Variants in ADGRB3 observed in about 807,000 individuals in gnomAD.
ADGRB3 encodes the protein adhesion G protein-coupled receptor B3.
Under a neutral mutation model 193.4 loss-of-function variants are expected in ADGRB3, and 37 were observed. The ratio of observed to expected loss-of-function variants is 0.19; its 90% CI spans 0.15 to 0.25. The LOEUF is 0.25. Among genes scored for constraint, ADGRB3 ranks in the 10% least tolerant of loss-of-function variants. The pLI is 1.00. For synonymous variants in ADGRB3, 690 were observed against 644.2 expected (o/e 1.07, Z -1.08); for missense variants, 1,637 against 1,852.9 (o/e 0.88, Z 2.14).
intron 13 of ADGRB3, among the ~76,000 whole-genome samples, chr6:69,032,829 C>T (rs1770752331): frequency 6.6e-6 from 1 of 152,166 alleles, no homozygotes; most frequent in African/African-American, 2.4e-5. Context: ...CATCTGGCTG[C>T]AAACCTTGAC....
At chr6:69,003,031 C>T (rs1769628943) in intron 11 of ADGRB3, among the ~76,000 whole-genome samples, 1 of 152,172 alleles carries the variant, frequency 6.6e-6, no homozygotes, top group Non-Finnish European at 1.5e-5. Context: ...ACAAGTTATT[C>T]AACCACTCTA....
chr6:69,275,122 T>C lies in ADGRB3; in HGVS notation c.2814+35896T>C, dbSNP rs1767274295. Reference sequence around the variant, plus strand: ...GGGTTAATATCCCGTGCCTCTAGTATATTTTCCAAGTCTATGATGTAGGGC... The same window carrying C: ...GGGTTAATATCCCGTGCCTCTAGTACATTTTCCAAGTCTATGATGTAGGGC... On this transcript the variant is annotated intron_variant, in intron 20 of 31. Coordinates refer to ENST00000370598, the MANE Select transcript of ADGRB3 (RefSeq NM_001704.3). 3.9e-5 allele frequency among the ~76,000 whole-genome samples: 6 copies of C among 152,292 alleles called. No individual in the cohort carries two copies. In the South Asian group the frequency reaches 1.0e-3, roughly 26 times the overall value.
intron 3 of ADGRB3, among the ~76,000 whole-genome samples, chr6:68,738,947 T>C (rs1765925750): frequency 6.6e-6 from 1 of 152,076 alleles, no homozygotes; most frequent in South Asian, 2.1e-4. Flanking sequence ...ATTGGGGACA[T>C]GAAGAGGATA....
intron 3 of ADGRB3, among the ~76,000 whole-genome samples, chr6:68,833,780 A>G (rs971228097): frequency 1.3e-5 from 2 of 152,016 alleles, no homozygotes; most frequent in Non-Finnish European, 2.9e-5. Flanking sequence ...ATTTAACCCT[A>G]TATTACAGGC....
intron 3 of ADGRB3, among the ~76,000 whole-genome samples, chr6:68,823,241 T>C (rs550547837): frequency 1.6e-4 from 24 of 152,142 alleles, no homozygotes; most frequent in South Asian, 1.0e-3. Flanking sequence ...GGAACACTTG[T>C]CATACTTTTC....
chr6:69,376,163 T>C (rs944512883), intron 30 of ADGRB3, among the ~76,000 whole-genome samples: 1 of 138,794 alleles, frequency 7.2e-6, no homozygotes, highest in Non-Finnish European at 1.5e-5. Flanking sequence ...CAATCTTGGC[T>C]CATTGCAACC....
chr6:69,033,542 A>G (rs2150294748), intron 13 of ADGRB3, among the ~76,000 whole-genome samples: 1 of 152,252 alleles, frequency 6.6e-6, no homozygotes, highest in South Asian at 2.1e-4. Flanking sequence ...ATGCAATTAA[A>G]TTTTCCATAT....
In ADGRB3 at chr6:69,382,850, A is replaced by G; in HGVS notation, c.4295A>G (p.Lys1432Arg). ...LDFEKVMHTR[K>R]RHMELFQELN... is the part of the protein sequence containing the mutation. ...TTGCAGAAGGTCATGCATACAAGGA[A>G]GAGGCATATGGAACTATTTCAAGAA... The change falls in exon 31 of 32, where the codon AAG becomes AGG. Residue 1432 changes from lysine (K) to arginine (R), a missense_variant. Physicochemically the swap from Lys to Arg is conservative, Grantham distance 26. Coordinates refer to ENST00000370598, the MANE Select transcript of ADGRB3 (RefSeq NM_001704.3). 3.1e-6 allele frequency: 5 copies of G among 1,607,880 alleles called. No homozygotes were observed. Among genetic ancestry groups the G allele is most frequent in the Non-Finnish European group, 4.2e-6 (5 of 1,176,828 alleles).
At chr6:69,093,162 A>G (rs1772765134) in intron 17 of ADGRB3, among the ~76,000 whole-genome samples, 1 of 151,086 alleles carries the variant, frequency 6.6e-6, no homozygotes, top group South Asian at 2.1e-4. Flanking sequence ...GTTCAGGGGT[A>G]CAAGGATGGG....
chr6:69,005,239 G>A (rs936925435), intron 11 of ADGRB3, among the ~76,000 whole-genome samples: 1 of 151,432 alleles, frequency 6.6e-6, no homozygotes, highest in Non-Finnish European at 1.5e-5. Context: ...ATGCCCCAAA[G>A]CACTAAAGAT....
intron 3 of ADGRB3, among the ~76,000 whole-genome samples, chr6:68,853,179 C>T (rs1768440003): frequency 6.6e-6 from 1 of 151,944 alleles, no homozygotes; most frequent in South Asian, 2.1e-4. Context: ...ATCTTTTATG[C>T]AATCATGACA....
chr6:69,241,094 C>T (rs1016920824), intron 20 of ADGRB3, among the ~76,000 whole-genome samples: 2 of 151,886 alleles, frequency 1.3e-5, no homozygotes, highest in African/African-American at 2.4e-5. Flanking sequence ...TTTCATGCTG[C>T]TTGGCAAAGT....
At position 68,975,209 on chromosome 6, in the gene ADGRB3, T is replaced by G. The variant is rs1045484110; in HGVS notation, c.1628-25T>G. 2.5e-6 allele frequency: 4 copies of G among 1,587,226 alleles called. No homozygotes were observed. In the African/African-American group the frequency reaches 4.0e-5, roughly 16 times the overall value. Reference sequence around the variant, plus strand: ...CTTCAAACATCCCTATTATAAAGCTTCTCTCTGTTCTTTGTGACACACAGG... The same window carrying G: ...CTTCAAACATCCCTATTATAAAGCTGCTCTCTGTTCTTTGTGACACACAGG... On this transcript the variant is annotated intron_variant, in intron 9 of 31. Transcript: ENST00000370598.
At chr6:69,338,081 A>T (rs1402255786) in intron 24 of ADGRB3, among the ~76,000 whole-genome samples, 1 of 152,138 alleles carries the variant, frequency 6.6e-6, no homozygotes, top group Non-Finnish European at 1.5e-5. Context: ...CTAAAGCAAA[A>T]TGTGTGTAAA....
At chr6:69,018,978 A>G (rs750872781) in intron 13 of ADGRB3, among the ~76,000 whole-genome samples, 3 of 151,984 alleles carry the variant, frequency 2.0e-5, no homozygotes, top group Non-Finnish European at 4.4e-5. Context: ...ACTTGAGAAT[A>G]ACTTCCAGGG....
chr6:68,646,037 A>G (rs1201523457), intron 3 of ADGRB3, among the ~76,000 whole-genome samples: 1 of 152,264 alleles, frequency 6.6e-6, no homozygotes, highest in Middle Eastern at 3.4e-3. Context: ...ACAATTTCTG[A>G]TTAAAACTCA....
chr6:69,279,507 T>C (rs1767387535), intron 20 of ADGRB3, among the ~76,000 whole-genome samples: 2 of 152,048 alleles, frequency 1.3e-5, no homozygotes, highest in African/African-American at 4.8e-5. Flanking sequence ...GTAATGATGC[T>C]TTCTTGCCTA....
At chr6:68,757,125 C>T (rs921940446) in intron 3 of ADGRB3, among the ~76,000 whole-genome samples, 1 of 152,100 alleles carries the variant, frequency 6.6e-6, no homozygotes, top group East Asian at 1.9e-4. Context: ...CTTTATTCAT[C>T]CCTCCTGTTC....
intron 29 of ADGRB3, 132 bp from the exon 30 acceptor site, chr6:69,372,274 C>A: frequency 2.4e-6 from 1 of 424,554 alleles, no homozygotes; most frequent in South Asian, 4.0e-5. Flanking sequence ...TTACATTTTT[C>A]CTTATGTGAA....
Sources: allele counts gnomAD v4.1 joint callset (sites outside exome capture counted in the v4.1 genomes callset), GRCh38; gene constraint gnomAD v4.1.1; transcripts MANE v1.5; gene names NCBI Gene and HGNC (gene_info 2026-07-23, HGNC 2026-07-21).